Variants in MAP2 observed in about 807,000 individuals in gnomAD.
MAP2 encodes the protein microtubule-associated protein 2.
A neutral mutation model predicts 137.6 loss-of-function variants in MAP2; 14 were observed. The ratio of observed to expected loss-of-function variants is 0.10; its 90% confidence interval spans 0.07 to 0.16. The LOEUF (loss-of-function observed/expected upper bound fraction) is 0.16. Ranked by LOEUF, MAP2 falls within the 10% of genes least tolerant of loss-of-function variation. The probability of loss-of-function intolerance (pLI) is 1.00; values close to 1 mark genes in which losing one functional copy is unlikely to be tolerated. For missense variants in MAP2, 2,088 were observed against 2,191.5 expected, an observed-to-expected ratio of 0.95 and a Z score of 0.94; for synonymous variants, 786 against 782.3, an observed-to-expected ratio of 1.00 and a Z score of -0.08.
intron 3 of MAP2, among the ~76,000 whole-genome samples, chr2:209,594,850 A>G (rs1205873292): frequency 6.6e-6 from 1 of 152,188 alleles, no homozygotes; most frequent in Non-Finnish European, 1.5e-5. Flanking sequence ...GTTGAGATGG[A>G]ATATACAAGT....
At chr2:209,713,383 G>A (rs894518510) in intron 13 of MAP2, among the ~76,000 whole-genome samples, 2 of 152,116 alleles carry the variant, frequency 1.3e-5, no homozygotes, top group Non-Finnish European at 2.9e-5. Flanking sequence ...GTTGGCAGAG[G>A]GGCTCAGCTC....
At chr2:209,501,836 C>T (rs974169351) in intron 1 of MAP2, among the ~76,000 whole-genome samples, 2 of 152,016 alleles carry the variant, frequency 1.3e-5, no homozygotes, top group Non-Finnish European at 2.9e-5. Flanking sequence ...AGCATCCGCT[C>T]CTGGCACTGC....
At chr2:209,519,260 C>T (rs2062938990) in intron 2 of MAP2, among the ~76,000 whole-genome samples, 3 of 152,052 alleles carry the variant, frequency 2.0e-5, no homozygotes, top group Non-Finnish European at 4.4e-5. Flanking sequence ...TGGGATTACA[C>T]ACATGCTTTC....
At chr2:209,682,927 T>C (rs773807162) in intron 7 of MAP2, among the ~76,000 whole-genome samples, 1 of 152,146 alleles carries the variant, frequency 6.6e-6, no homozygotes, top group Non-Finnish European at 1.5e-5. Context: ...AAGCTCCTAC[T>C]TAAAGCTTTT....
intron 5 of MAP2, among the ~76,000 whole-genome samples, chr2:209,653,830 G>A (rs185393546): frequency 9.2e-5 from 14 of 152,200 alleles, no homozygotes; most frequent in East Asian, 7.7e-4. Context: ...AGCAAAATAC[G>A]TAAATACATA....
chr2:209,622,655 T>C (rs1249768960), intron 3 of MAP2, among the ~76,000 whole-genome samples: 3 of 151,692 alleles, frequency 2.0e-5, no homozygotes, highest in African/African-American at 7.3e-5. Flanking sequence ...AAAATTAGTG[T>C]TAAAGTAATT....
At chr2:209,454,044 C>T (rs1486958978) in intron 1 of MAP2, among the ~76,000 whole-genome samples, 2 of 149,990 alleles carry the variant, frequency 1.3e-5, no homozygotes, top group African/African-American at 2.4e-5. Flanking sequence ...CCAGCTACTC[C>T]GGAGGCTGAG....
chr2:209,610,087 A>G (rs1231399346), intron 3 of MAP2, among the ~76,000 whole-genome samples: 1 of 152,186 alleles, frequency 6.6e-6, no homozygotes, highest in Non-Finnish European at 1.5e-5. Flanking sequence ...GGCAAGAGCT[A>G]TAAAGAAGAC....
At position 209,446,242 on chromosome 2, in the gene MAP2, C is replaced by T. The variant is rs183416410; in HGVS notation, c.-222+21966C>T. ...CTAAATGTGGTTCTGGCTTATCATA[C>T]CTGGTTTCTTTAGAGTCATATAGAC... is the stretch of plus-strand genomic sequence containing the variant. On this transcript the variant is annotated intron_variant, in intron 1 of 15. Coordinates refer to ENST00000682079, the MANE Select transcript of MAP2 (RefSeq NM_001375505.1). Among the ~76,000 whole-genome samples, 431 of 151,826 alleles carry T rather than the reference C, an allele frequency of 2.8e-3. 3 individuals carry two copies. Among genetic ancestry groups the T allele is most frequent in the African/African-American group, 9.6e-3 (399 of 41,490 alleles).
At chr2:209,515,557 T>A (rs918410514) in intron 2 of MAP2, among the ~76,000 whole-genome samples, 1 of 152,144 alleles carries the variant, frequency 6.6e-6, no homozygotes, top group African/African-American at 2.4e-5. Flanking sequence ...TCAGCTCTTA[T>A]GAGAACTCAC....
rs116170691 is a variant in MAP2 at position 209,536,844 on chromosome 2, G to A, written c.-172+29203G>A. Among the ~76,000 whole-genome samples the A allele has an allele frequency of 5.1e-3, 780 of 152,204 alleles. 10 individuals are homozygous for A. The highest frequency in any genetic ancestry group is 0.018 in the African/African-American group (731 of 41,502). ...CAGAACATAAATTTAGGTTTATCCA[G>A]GACAGAAGTTTTCATCTTCACCCTT... is the stretch of plus-strand genomic sequence containing the variant. On this transcript the variant is annotated intron_variant, in intron 2 of 15. Transcript: ENST00000682079.
intron 7 of MAP2, among the ~76,000 whole-genome samples, chr2:209,682,989 C>T (rs1316591076): frequency 6.6e-6 from 1 of 152,110 alleles, no homozygotes; most frequent in Non-Finnish European, 1.5e-5. Flanking sequence ...GTTGACAGAG[C>T]AGGTTTACTC....
intron 13 of MAP2, among the ~76,000 whole-genome samples, chr2:209,720,549 G>C (rs2070074662): frequency 6.8e-6 from 1 of 147,686 alleles, no homozygotes; most frequent in South Asian, 2.2e-4. Context: ...TGAGGCAGGA[G>C]AATGGCGTGA....
chr2:209,462,436 G>A (rs983868920), intron 1 of MAP2, among the ~76,000 whole-genome samples: 5 of 152,134 alleles, frequency 3.3e-5, no homozygotes, highest in African/African-American at 1.2e-4. Context: ...TGGACCAGAG[G>A]TTTGAAAAAT....
intron 14 of MAP2, among the ~76,000 whole-genome samples, chr2:209,727,833 C>A (rs529936270): frequency 6.6e-6 from 1 of 152,278 alleles, no homozygotes; most frequent in Admixed American, 6.5e-5. Flanking sequence ...CTAACAGTTG[C>A]ATAAGAATTT....
At chr2:209,434,279 T>G (rs1482381273) in intron 1 of MAP2, among the ~76,000 whole-genome samples, 2 of 152,026 alleles carry the variant, frequency 1.3e-5, no homozygotes, top group Non-Finnish European at 2.9e-5. Flanking sequence ...GCTGTTTACT[T>G]TTTTCCTAAG....
chr2:209,619,108 C>T (rs1339321758), intron 3 of MAP2, among the ~76,000 whole-genome samples: 94 of 152,156 alleles, frequency 6.2e-4, no homozygotes, highest in Non-Finnish European at 4.4e-5. Context: ...TGGTGGTTAT[C>T]AGGAGCTGTG....
At chr2:209,579,264 T>C (rs2075847940) in intron 2 of MAP2, 1 of 94,232 alleles carries the variant, frequency 1.1e-5, no homozygotes, top group African/African-American at 3.8e-5. Flanking sequence ...GCGGTGTGTG[T>C]GTGTGCGTGC....
intron 2 of MAP2, among the ~76,000 whole-genome samples, chr2:209,556,577 G>A (rs974645751): frequency 2.0e-5 from 3 of 151,296 alleles, no homozygotes; most frequent in Admixed American, 6.6e-5. Flanking sequence ...GAAATGTGAG[G>A]CCTAAACATG....
Sources: gnomAD v4.1 joint callset for allele counts (sites outside exome capture counted in the v4.1 genomes callset) on GRCh38, gnomAD v4.1.1 for gene constraint, MANE v1.5 for transcripts, NCBI Gene and HGNC (gene_info 2026-07-23, HGNC 2026-07-21) for gene names.